The following CLDN14 variants were observed in gnomAD, a reference collection of about 807,000 sequenced individuals.
CLDN14 encodes the protein claudin 14.
Under a neutral mutation model 2.1 loss-of-function variants are expected in CLDN14, and 2 were observed. The observed-to-expected ratio is 0.96, with a 90% CI of 0.39 to 3.01. The LOEUF is 3.01. CLDN14 is among the 30% of genes most tolerant of loss of function. The pLI is 0.09. For missense variants in CLDN14, 298 were observed against 328.0 expected, an observed-to-expected ratio of 0.91 and a Z score of 0.71; for synonymous variants, 136 against 154.4, an observed-to-expected ratio of 0.88 and a Z score of 0.88.
At chr21:36,559,304 C>G (rs966432003) in intron 1 of CLDN14, among the ~76,000 whole-genome samples, 2 of 152,200 alleles carry the variant, frequency 1.3e-5, no homozygotes, top group Non-Finnish European at 2.9e-5. Flanking sequence ...TCAAGTGATT[C>G]TCCTGCCTCA....
intron 1 of CLDN14, among the ~76,000 whole-genome samples, chr21:36,533,587 A>G (rs916054492): frequency 3.9e-5 from 6 of 152,212 alleles, no homozygotes; most frequent in African/African-American, 1.4e-4. Flanking sequence ...AGAGAAAATG[A>G]GCAAACAGAA....
intron 1 of CLDN14, among the ~76,000 whole-genome samples, chr21:36,548,397 T>C (rs1463766441): frequency 2.6e-5 from 4 of 152,140 alleles, no homozygotes; most frequent in South Asian, 2.1e-4. Flanking sequence ...TCACTGGGAC[T>C]CACTAAATGT....
chr21:36,463,733 G>T (rs1330282913), intron 1 of CLDN14, among the ~76,000 whole-genome samples: 1 of 151,668 alleles, frequency 6.6e-6, no homozygotes, highest in Admixed American at 6.6e-5. Flanking sequence ...AAAATAAAAT[G>T]AAATAAAATA....
At chr21:36,526,275 A>G (rs2087328797) in intron 1 of CLDN14, 1 of 152,222 alleles carries the variant, frequency 6.6e-6, no homozygotes. Flanking sequence ...TGAAATGGGC[A>G]TGGCTGTGTT....
chr21:36,575,183 T>A (rs1057152724), intron 1 of CLDN14, among the ~76,000 whole-genome samples: 1 of 152,224 alleles, frequency 6.6e-6, no homozygotes, highest in Non-Finnish European at 1.5e-5. Context: ...TCTGCCGTCA[T>A]GCAGTGTGCA....
chr21:36,476,305 C>T (rs57665331), intron 1 of CLDN14, among the ~76,000 whole-genome samples: 1 of 152,284 alleles, frequency 6.6e-6, no homozygotes, highest in East Asian at 1.9e-4. Flanking sequence ...TGCCTTCTGG[C>T]TCTTACCTTC....
At chr21:36,502,873 A>T (rs1388390973) in intron 2 of CLDN14, among the ~76,000 whole-genome samples, 1 of 152,246 alleles carries the variant, frequency 6.6e-6, no homozygotes, top group African/African-American at 2.4e-5. Context: ...AAATGTTCTC[A>T]ACCCAGGCTA....
intron 1 of CLDN14, among the ~76,000 whole-genome samples, chr21:36,464,898 T>G (rs2086625896): frequency 6.6e-6 from 1 of 152,160 alleles, no homozygotes. Context: ...TTCAATGACA[T>G]AGGACTGAAG....
At chr21:36,536,795 G>T (rs58267442) in intron 1 of CLDN14, among the ~76,000 whole-genome samples, 1,897 of 152,216 alleles carry the variant, frequency 0.012, 38 homozygotes, top group African/African-American at 0.043. Context: ...TTTAGGAGTA[G>T]ATAAGATGTC....
At chr21:36,506,693 G>C (rs941890225) in intron 2 of CLDN14, among the ~76,000 whole-genome samples, 16 of 152,234 alleles carry the variant, frequency 1.1e-4, no homozygotes, top group African/African-American at 3.6e-4. Context: ...TCACCTCTGG[G>C]GGGTGGAGCC....
chr21:36,526,219 C>G (rs902322773), intron 1 of CLDN14: 2 of 152,124 alleles, frequency 1.3e-5, no homozygotes, highest in African/African-American at 4.8e-5. Flanking sequence ...TGCACCTGCT[C>G]GACTCTGCTA....
At chr21:36,510,733 G>A (rs2087178796) in intron 1 of CLDN14, among the ~76,000 whole-genome samples, 1 of 152,258 alleles carries the variant, frequency 6.6e-6, no homozygotes, top group African/African-American at 2.4e-5. Context: ...ACTCCAAGTT[G>A]CTGTGAAGGT....
chr21:36,489,010 T>C (rs1040008730), intron 2 of CLDN14, among the ~76,000 whole-genome samples: 4 of 150,124 alleles, frequency 2.7e-5, no homozygotes, highest in African/African-American at 9.8e-5. Context: ...CTCAGGAGGC[T>C]GAGGCAGGAG....
chr21:36,527,000 A>C (rs887179963), intron 1 of CLDN14, among the ~76,000 whole-genome samples: 1 of 152,208 alleles, frequency 6.6e-6, no homozygotes, highest in African/African-American at 2.4e-5. Flanking sequence ...CAGTAGTAAG[A>C]GCCTTTTATT....
chr21:36,519,733 C>CAAA (rs33915345), intron 1 of CLDN14, among the ~76,000 whole-genome samples: 112,788 of 150,708 alleles, frequency 0.75, 44,703 homozygotes, highest in Non-Finnish European at 0.91. Flanking sequence ...ACAACAACAA[C>CAAA]AAAACCCCAA....
At chr21:36,530,166 T>G (rs2835385) in intron 1 of CLDN14, among the ~76,000 whole-genome samples, 1 of 152,098 alleles carries the variant, frequency 6.6e-6, no homozygotes, top group Non-Finnish European at 1.5e-5. Context: ...ATAGAGTTGG[T>G]TTATTTTTAA....
At chr21:36,550,575 G>A (rs561268580) in intron 1 of CLDN14, among the ~76,000 whole-genome samples, 1 of 152,248 alleles carries the variant, frequency 6.6e-6, no homozygotes, top group African/African-American at 2.4e-5. Context: ...TGGGCCCATG[G>A]CATCAGCCCG....
intron 2 of CLDN14, among the ~76,000 whole-genome samples, chr21:36,492,737 C>T (rs867921231): frequency 3.9e-5 from 6 of 152,308 alleles, no homozygotes; most frequent in South Asian, 2.1e-4. Flanking sequence ...AGCCACGTGA[C>T]GACAGAGGCA....
intron 1 of CLDN14, among the ~76,000 whole-genome samples, chr21:36,475,059 G>C (rs2146439016): frequency 6.6e-6 from 1 of 152,314 alleles, no homozygotes; most frequent in Non-Finnish European, 1.5e-5. Context: ...CCTGGACCAA[G>C]TCAAGGGGTC....
Sources: allele counts gnomAD v4.1 joint callset (sites outside exome capture counted in the v4.1 genomes callset), GRCh38; gene constraint gnomAD v4.1.1; transcripts MANE v1.5; gene names NCBI Gene and HGNC (gene_info 2026-07-23, HGNC 2026-07-21).